The following LSAMP variants were observed in gnomAD, a reference collection of about 807,000 sequenced individuals.
The protein encoded by LSAMP is limbic system-associated membrane protein.
Under a neutral mutation model 38.6 loss-of-function variants are expected in LSAMP, and 7 were observed. The ratio of observed to expected loss-of-function variants is 0.18; its 90% confidence interval spans 0.10 to 0.34. The LOEUF (loss-of-function observed/expected upper bound fraction) is 0.34, where lower values mean the gene tolerates loss of function less well. LSAMP is among the 10% of genes least tolerant of loss of function. The probability of loss-of-function intolerance (pLI) is 1.00; values close to 1 mark genes in which losing one functional copy is unlikely to be tolerated. For synonymous variants in LSAMP, 154 were observed against 166.8 expected, an observed-to-expected ratio of 0.92 and a Z score of 0.59; for missense variants, 313 against 420.0, an observed-to-expected ratio of 0.75 and a Z score of 2.23.
chr3:115,840,426 T>C (rs1375902061), intron 6 of LSAMP, among the ~76,000 whole-genome samples: 1 of 152,066 alleles, frequency 6.6e-6, no homozygotes, highest in African/African-American at 2.4e-5. Context: ...TCTTAAGAAG[T>C]ATATTCTCAA....
chr3:116,319,414 TACCTTA>T (rs2047678054), intron 1 of LSAMP, among the ~76,000 whole-genome samples: 1 of 152,174 alleles, frequency 6.6e-6, no homozygotes. Context: ...TTCTATTCCG[TACCTTA>T]AATCAGCACC....
At chr3:116,356,200 GTAGA>G (rs1240642842) in intron 1 of LSAMP, among the ~76,000 whole-genome samples, 3 of 152,138 alleles carry the variant, frequency 2.0e-5, no homozygotes, top group Admixed American at 1.3e-4. Flanking sequence ...CAACAGACAA[GTAGA>G]TAAAGAAGAT....
intron 1 of LSAMP, among the ~76,000 whole-genome samples, chr3:116,090,258 G>A (rs9821865): frequency 0.26 from 39,904 of 151,070 alleles, 7,317 homozygotes; most frequent in African/African-American, 0.53. Flanking sequence ...TAGTAAACCA[G>A]AATCAGTAGT....
chr3:116,197,165 T>A (rs3071116), intron 1 of LSAMP, among the ~76,000 whole-genome samples: 35,214 of 104,286 alleles, frequency 0.34, 4,120 homozygotes, highest in Non-Finnish European at 0.35. Context: ...ACACACACAC[T>A]CTCTCTCTCT....
At chr3:116,193,376 A>G (rs1710800803) in intron 1 of LSAMP, among the ~76,000 whole-genome samples, 1 of 152,220 alleles carries the variant, frequency 6.6e-6, no homozygotes, top group Non-Finnish European at 1.5e-5. Flanking sequence ...CATAATAGAC[A>G]TGACTGACAA....
chr3:115,904,408 C>A (rs1936957816), intron 3 of LSAMP, among the ~76,000 whole-genome samples: 1 of 151,828 alleles, frequency 6.6e-6, no homozygotes. Flanking sequence ...AATCTTCCCA[C>A]AAAGAAAACG....
At chr3:116,104,626 T>G (rs1316577396) in intron 1 of LSAMP, among the ~76,000 whole-genome samples, 1 of 152,214 alleles carries the variant, frequency 6.6e-6, no homozygotes. Context: ...ATACTGGAGT[T>G]GCACAGGACT....
At chr3:115,810,721 G>A (rs1933798389) in intron 6 of LSAMP, among the ~76,000 whole-genome samples, 1 of 152,180 alleles carries the variant, frequency 6.6e-6, no homozygotes, top group Non-Finnish European at 1.5e-5. Context: ...TGTTCACCCA[G>A]CCTCCTCCTG....
intron 1 of LSAMP, among the ~76,000 whole-genome samples, chr3:116,436,039 A>C (rs2049345713): frequency 6.6e-6 from 1 of 152,198 alleles, no homozygotes; most frequent in African/African-American, 2.4e-5. Flanking sequence ...TGATCCTTAT[A>C]GAGGTTCTAC....
chr3:116,164,258 A>G (rs1035817625), intron 1 of LSAMP, among the ~76,000 whole-genome samples: 2 of 152,028 alleles, frequency 1.3e-5, no homozygotes, highest in Non-Finnish European at 2.9e-5. Context: ...ACTCACCAAC[A>G]TACTATTAGG....
In LSAMP at chr3:116,338,794, G is replaced by C. The variant is rs904376595; in HGVS notation, c.155+106083C>G. Among the ~76,000 whole-genome samples, 64 of 152,042 alleles carry C rather than the reference G, an allele frequency of 4.2e-4. 1 individual carries two copies. Among genetic ancestry groups the C allele is most frequent in the African/African-American group, 1.4e-3 (60 of 41,416 alleles). On this transcript the variant is annotated intron_variant, in intron 1 of 6. Transcript: ENST00000490035. ...TGACAAGGCTCTTTGAAGATGTTTTGAAGATGTTTTCACTGGACTGGAGCT... is the reference window on the plus strand; with the variant it reads ...TGACAAGGCTCTTTGAAGATGTTTTCAAGATGTTTTCACTGGACTGGAGCT...
chr3:116,298,644 T>C (rs909436141), intron 1 of LSAMP, among the ~76,000 whole-genome samples: 2 of 152,244 alleles, frequency 1.3e-5, no homozygotes, highest in Non-Finnish European at 2.9e-5. Flanking sequence ...TCCTTATCTA[T>C]CAAAGTATGT....
intron 2 of LSAMP, among the ~76,000 whole-genome samples, chr3:116,041,796 C>CAAA (rs148805855): frequency 3.9e-4 from 22 of 57,036 alleles, no homozygotes; most frequent in African/African-American, 7.2e-4. Context: ...TGAAAGCATG[C>CAAA]AAAAAAAAAC....
At chr3:116,221,481 T>A (rs373188939) in intron 1 of LSAMP, among the ~76,000 whole-genome samples, 6 of 152,138 alleles carry the variant, frequency 3.9e-5, no homozygotes, top group Non-Finnish European at 5.9e-5. Flanking sequence ...CCATTCCACT[T>A]GTATGAGCCT....
chr3:115,921,941 G>A (rs1197520172), intron 3 of LSAMP, among the ~76,000 whole-genome samples: 1 of 152,012 alleles, frequency 6.6e-6, no homozygotes, highest in East Asian at 1.9e-4. Flanking sequence ...TTACTCCCTT[G>A]TATGTGATAT....
intron 3 of LSAMP, among the ~76,000 whole-genome samples, chr3:115,866,672 C>T (rs2107377112): frequency 6.6e-6 from 1 of 151,968 alleles, no homozygotes; most frequent in Middle Eastern, 3.4e-3. Context: ...GCTCTCTTAC[C>T]CCACACTCAA....
At chr3:116,427,760 T>A (rs1392447128) in intron 1 of LSAMP, among the ~76,000 whole-genome samples, 1 of 152,138 alleles carries the variant, frequency 6.6e-6, no homozygotes, top group Non-Finnish European at 1.5e-5. Flanking sequence ...ATTTATTTAA[T>A]CCTCATAGAA....
chr3:115,894,249 T>C (rs764760141), intron 3 of LSAMP, among the ~76,000 whole-genome samples: 65 of 152,162 alleles, frequency 4.3e-4, no homozygotes, highest in Admixed American at 7.2e-4. Context: ...AGCTTTAACA[T>C]TTTACTCACC....
intron 2 of LSAMP, among the ~76,000 whole-genome samples, chr3:116,080,702 C>T (rs1224547825): frequency 6.6e-6 from 1 of 152,150 alleles, no homozygotes; most frequent in Admixed American, 6.5e-5. Context: ...AATCAAGAGG[C>T]TATTGTCTGA....
Sources: allele counts gnomAD v4.1 joint callset (sites outside exome capture counted in the v4.1 genomes callset), GRCh38; gene constraint gnomAD v4.1.1; transcripts MANE v1.5; gene names NCBI Gene and HGNC (gene_info 2026-07-23, HGNC 2026-07-21).